JAK1: variants seen among roughly 807,000 people sequenced by gnomAD.
The protein encoded by JAK1 is Janus kinase 1.
In JAK1, 16 loss-of-function variants were observed where a neutral mutation model predicts 136.6. That is an observed-to-expected ratio of 0.12 (90% CI 0.08 to 0.18). The LOEUF is 0.18. Ranked by LOEUF, JAK1 falls within the 10% of genes least tolerant of loss-of-function variation. The pLI is 1.00. For synonymous variants in JAK1, 492 were observed against 519.5 expected, an observed-to-expected ratio of 0.95 and a Z score of 0.72; for missense variants, 859 against 1,450.1, an observed-to-expected ratio of 0.59 and a Z score of 6.62.
chr1:65,007,687 T>G (rs979944471), intron 2 of JAK1, among the ~76,000 whole-genome samples: 2 of 152,112 alleles, frequency 1.3e-5, no homozygotes, highest in African/African-American at 4.8e-5. Context: ...AGTCTCGAAC[T>G]CCTGACCTCA....
intron 1 of JAK1, among the ~76,000 whole-genome samples, chr1:65,046,659 G>T (rs975742180): frequency 1.3e-5 from 2 of 151,896 alleles, no homozygotes; most frequent in Non-Finnish European, 2.9e-5. Flanking sequence ...GGGGCTGAAG[G>T]GGGTAGGTAG....
At chr1:64,842,801 A>C (rs1471278711) in intron 17 of JAK1, among the ~76,000 whole-genome samples, 1 of 152,224 alleles carries the variant, frequency 6.6e-6, no homozygotes, top group Non-Finnish European at 1.5e-5. Context: ...GAAAATTCCA[A>C]ATAGCAGATC....
In JAK1 at chr1:64,935,294, A is replaced by G. The variant is rs528460986; in HGVS notation, c.-78+31039T>C. Among the ~76,000 whole-genome samples the G allele has an allele frequency of 5.3e-5, 8 of 152,260 alleles. No individual in the cohort carries two copies. In the East Asian group the frequency reaches 1.2e-3, roughly 22 times the overall value. ...GCAGATGAAATGAGAAAGACCAGTC[A>G]TAACTCTTTTTTTTGTTTGTTTGAG... On this transcript the variant is annotated intron_variant, in intron 1 of 24. Transcript: ENST00000342505.
chr1:65,052,221 C>A (rs1289941243), intron 1 of JAK1, among the ~76,000 whole-genome samples: 1 of 150,690 alleles, frequency 6.6e-6, no homozygotes, highest in Non-Finnish European at 1.5e-5. Flanking sequence ...CAGATGTGAG[C>A]CACCACACCC....
At chr1:65,045,854 T>C (rs538247880) in intron 1 of JAK1, among the ~76,000 whole-genome samples, 131 of 152,344 alleles carry the variant, frequency 8.6e-4, no homozygotes, top group African/African-American at 2.9e-3. Flanking sequence ...GTAAATCTTA[T>C]CAAGCTTGGG....
At chr1:64,967,299 A>G (rs975117376), upstream of JAK1, among the ~76,000 whole-genome samples, 18 of 152,252 alleles carry the variant, frequency 1.2e-4, no homozygotes, top group African/African-American at 4.1e-4. Flanking sequence ...TATCTCTCCA[A>G]TCAGTTCACT....
intron 2 of JAK1, chr1:64,993,208 T>C (rs1490276270): frequency 3.3e-5 from 5 of 152,242 alleles, no homozygotes; most frequent in African/African-American, 1.2e-4. Flanking sequence ...ATACATGTTT[T>C]AAAGTCGACT....
chr1:64,884,857 T>C (rs969228600), intron 2 of JAK1, among the ~76,000 whole-genome samples: 4 of 152,210 alleles, frequency 2.6e-5, no homozygotes, highest in African/African-American at 9.6e-5. Context: ...CTTATGCACA[T>C]GCTGTGAGTT....
At chr1:64,916,465 A>G (rs1423620765) in intron 1 of JAK1, among the ~76,000 whole-genome samples, 6 of 152,214 alleles carry the variant, frequency 3.9e-5, no homozygotes, top group Non-Finnish European at 7.3e-5. Flanking sequence ...AAACAGCCAA[A>G]GGAACACTTA....
intron 1 of JAK1, among the ~76,000 whole-genome samples, chr1:65,058,875 C>CAT (rs1470356307): frequency 1.3e-5 from 2 of 152,064 alleles, no homozygotes; most frequent in African/African-American, 4.8e-5. Flanking sequence ...ATTGATTTTT[C>CAT]ATATATATAC....
intron 2 of JAK1, among the ~76,000 whole-genome samples, chr1:65,000,125 G>A (rs573485262): frequency 6.6e-6 from 1 of 151,868 alleles, no homozygotes; most frequent in Admixed American, 6.6e-5. Flanking sequence ...CGAGTAGCTG[G>A]GATTACAGGC....
chr1:64,913,733 G>GAGGA (rs1282870668), intron 1 of JAK1, among the ~76,000 whole-genome samples: 19 of 132,862 alleles, frequency 1.4e-4, no homozygotes, highest in Admixed American at 1.0e-3. Context: ...GGGAGGGAGG[G>GAGGA]AGGAATTGAA....
At chr1:64,950,470 A>C (rs1421265543) in intron 1 of JAK1, among the ~76,000 whole-genome samples, 3 of 152,170 alleles carry the variant, frequency 2.0e-5, no homozygotes, top group Non-Finnish European at 4.4e-5. Flanking sequence ...AATTATTATT[A>C]CAATTTAAAA....
intron 5 of JAK1, among the ~76,000 whole-genome samples, chr1:64,869,693 C>A (rs1477625633): frequency 2.0e-5 from 3 of 152,208 alleles, no homozygotes. Context: ...ATTGACTGAG[C>A]ACTATGCCAG....
intron 19 of JAK1, among the ~76,000 whole-genome samples, chr1:64,840,337 T>C (rs1437618822): frequency 6.6e-6 from 1 of 152,178 alleles, no homozygotes; most frequent in Non-Finnish European, 1.5e-5. Flanking sequence ...CTTCTGACAA[T>C]GCCTGGCACA....
intron 2 of JAK1, among the ~76,000 whole-genome samples, chr1:65,007,761 T>TTTTTATTATA (rs1557755371): frequency 2.7e-5 from 4 of 149,914 alleles, no homozygotes; most frequent in African/African-American, 9.9e-5. Context: ...TTTTTTTCTT[T>TTTTTATTATA]CTGATACAGC....
intron 1 of JAK1, among the ~76,000 whole-genome samples, chr1:65,050,950 A>G (rs1647267983): frequency 6.6e-6 from 1 of 152,216 alleles, no homozygotes; most frequent in Non-Finnish European, 1.5e-5. Flanking sequence ...GATTTCAATG[A>G]GGATGAAATG....
chr1:64,949,354 C>T (rs912631369), intron 1 of JAK1, among the ~76,000 whole-genome samples: 1 of 152,158 alleles, frequency 6.6e-6, no homozygotes, highest in Admixed American at 6.5e-5. Flanking sequence ...GTCAAAGCCC[C>T]GCCCCTACTC....
chr1:64,924,194 AAT>A (rs1480361628), intron 1 of JAK1, among the ~76,000 whole-genome samples: 1 of 152,212 alleles, frequency 6.6e-6, no homozygotes, highest in Non-Finnish European at 1.5e-5. Flanking sequence ...TTACAAACAA[AAT>A]AGTGTAGTAT....
Sources: allele counts gnomAD v4.1 joint callset (sites outside exome capture counted in the v4.1 genomes callset), GRCh38; gene constraint gnomAD v4.1.1; transcripts MANE v1.5; gene names NCBI Gene and HGNC (gene_info 2026-07-23, HGNC 2026-07-21).